Variants in JMJD1C observed in about 807,000 individuals in gnomAD.
The protein encoded by JMJD1C is jumonji domain-containing protein 1C.
A neutral mutation model predicts 245.3 loss-of-function variants in JMJD1C; 31 were observed. The observed-to-expected ratio is 0.13, with a 90% confidence interval of 0.09 to 0.17. The LOEUF is 0.17. Ranked by LOEUF, JMJD1C falls within the 10% of genes least tolerant of loss-of-function variation. JMJD1C has a pLI of 1.00. For synonymous variants in JMJD1C, 1,057 were observed against 1,017.4 expected (o/e 1.04, Z -0.74); for missense variants, 2,691 against 3,000.2 (o/e 0.90, Z 2.41).
intron 2 of JMJD1C, among the ~76,000 whole-genome samples, chr10:63,359,507 CATA>C (rs1319612360): frequency 3.3e-5 from 5 of 152,206 alleles, no homozygotes; most frequent in African/African-American, 9.6e-5. Flanking sequence ...CTGCATTCCA[CATA>C]ATGTGACCAA....
chr10:63,281,309 GTTTTTT>G (rs71025143), intron 2 of JMJD1C, among the ~76,000 whole-genome samples: 4 of 144,714 alleles, frequency 2.8e-5, no homozygotes, highest in Middle Eastern at 3.3e-3. Context: ...TAATTTTTCT[GTTTTTT>G]TTTTTTGTTT....
Position 63,482,149 on chromosome 10 carries a change from G to C in JMJD1C, n.113+39589C>G, listed in dbSNP as rs537938895. Among the ~76,000 whole-genome samples the C allele has an allele frequency of 2.6e-5, 4 of 152,060 alleles. No individual in the cohort carries two copies. In the East Asian group the frequency reaches 7.7e-4, roughly 29 times the overall value. ...GTTTCAATCAACCTCATTTCCTTAC[G>C]ACATTGATGAGGAAAAAAAAATTGG... On this transcript the variant is annotated intron_variant and non_coding_transcript_variant, in intron 1 of 3. Transcript: ENST00000633035.
At chr10:63,411,759 T>C (rs1048009309) in intron 1 of JMJD1C, among the ~76,000 whole-genome samples, 47 of 151,908 alleles carry the variant, frequency 3.1e-4, no homozygotes, top group African/African-American at 1.0e-3. Flanking sequence ...CGTGCCACCA[T>C]GCCCAGCTAA....
At chr10:63,383,062 C>T (rs1252773956) in intron 1 of JMJD1C, among the ~76,000 whole-genome samples, 4 of 152,050 alleles carry the variant, frequency 2.6e-5, no homozygotes, top group Non-Finnish European at 4.4e-5. Flanking sequence ...TTTTAGTGCT[C>T]ACTACAGTGC....
chr10:63,438,802 A>ATT (rs1951201808), intron 1 of JMJD1C, among the ~76,000 whole-genome samples: 1 of 152,184 alleles, frequency 6.6e-6, no homozygotes, highest in Non-Finnish European at 1.5e-5. Flanking sequence ...TTCACTCAAA[A>ATT]GTCACCTACT....
At chr10:63,464,120 A>G (rs369610103) in intron 1 of JMJD1C, among the ~76,000 whole-genome samples, 3 of 152,228 alleles carry the variant, frequency 2.0e-5, no homozygotes, top group South Asian at 2.1e-4. Context: ...TTGAACTGCC[A>G]TAATTTTTAG....
intron 10 of JMJD1C, 110 bp downstream of exon 10, chr10:63,206,483 GCA>G: frequency 2.7e-6 from 2 of 738,414 alleles, no homozygotes; most frequent in Non-Finnish European, 4.3e-6. Flanking sequence ...GCTAAGGCAC[GCA>G]AATGAAGACA....
At chr10:63,308,061 G>C (rs1044602449) in intron 2 of JMJD1C, among the ~76,000 whole-genome samples, 1 of 151,940 alleles carries the variant, frequency 6.6e-6, no homozygotes, top group African/African-American at 2.4e-5. Flanking sequence ...GACTGACGCA[G>C]AATCATTTGA....
intron 1 of JMJD1C, among the ~76,000 whole-genome samples, chr10:63,496,541 T>C (rs1184399374): frequency 2.0e-5 from 3 of 152,174 alleles, no homozygotes. Context: ...GAGAGTCCCT[T>C]GAATTCAGAG....
At chr10:63,256,753 T>C (rs1237676910) in intron 3 of JMJD1C, among the ~76,000 whole-genome samples, 1 of 152,250 alleles carries the variant, frequency 6.6e-6, no homozygotes, top group African/African-American at 2.4e-5. Flanking sequence ...TTTAATACTT[T>C]TGGCACAGTA....
At chr10:63,231,704 G>C (rs1360579835) in intron 3 of JMJD1C, among the ~76,000 whole-genome samples, 1 of 152,182 alleles carries the variant, frequency 6.6e-6, no homozygotes, top group East Asian at 1.9e-4. Context: ...TGAGACAGGA[G>C]AATCGCTTGA....
chr10:63,291,232 C>T (rs964754186), intron 2 of JMJD1C, among the ~76,000 whole-genome samples: 2 of 142,192 alleles, frequency 1.4e-5, no homozygotes, highest in African/African-American at 2.7e-5. Context: ...CGCTTGAACC[C>T]GGGAGGCAGA....
At chr10:63,169,993 G>A in intron 24 of JMJD1C, among the ~76,000 whole-genome samples, 1 of 152,034 alleles carries the variant, frequency 6.6e-6, no homozygotes. Flanking sequence ...GTCTCCAAAT[G>A]CCCTCTCTCC....
chr10:63,435,540 T>C (rs1231531127), intron 1 of JMJD1C, among the ~76,000 whole-genome samples: 1 of 152,186 alleles, frequency 6.6e-6, no homozygotes, highest in East Asian at 1.9e-4. Flanking sequence ...TTCTGAGTTT[T>C]AGAATATTCT....
At chr10:63,196,090 C>T (rs1220946814) in intron 13 of JMJD1C, among the ~76,000 whole-genome samples, 4 of 151,736 alleles carry the variant, frequency 2.6e-5, no homozygotes, top group East Asian at 1.9e-4. Flanking sequence ...TTGGTAAAAC[C>T]GTGTCTCTGC....
chr10:63,367,628 T>C (rs1170293194), intron 2 of JMJD1C, among the ~76,000 whole-genome samples: 1 of 152,194 alleles, frequency 6.6e-6, no homozygotes, highest in Non-Finnish European at 1.5e-5. Context: ...CCTAAGCCAA[T>C]GCTTAGATAA....
At chr10:63,190,835 G>T (rs925781770) in intron 17 of JMJD1C, 59 bp downstream of exon 17, 1 of 1,368,804 alleles carries the variant, frequency 7.3e-7, no homozygotes, top group Middle Eastern at 1.8e-4. Flanking sequence ...CAAAAACTAA[G>T]TCTCCAAATC....
intron 3 of JMJD1C, among the ~76,000 whole-genome samples, chr10:63,250,777 G>A (rs768383565): frequency 6.6e-6 from 1 of 152,078 alleles, no homozygotes; most frequent in Non-Finnish European, 1.5e-5. Context: ...ATCTCACTCC[G>A]TTACCCTGGC....
chr10:63,170,743 AC>A (rs1301292099), intron 24 of JMJD1C, among the ~76,000 whole-genome samples: 1 of 152,156 alleles, frequency 6.6e-6, no homozygotes, highest in African/African-American at 2.4e-5. Flanking sequence ...TTTCCTAATG[AC>A]CCCTACCTGA....
Sources: gnomAD v4.1 joint callset for allele counts (sites outside exome capture counted in the v4.1 genomes callset) on GRCh38, gnomAD v4.1.1 for gene constraint, MANE v1.5 for transcripts, NCBI Gene and HGNC (gene_info 2026-07-23, HGNC 2026-07-21) for gene names.